The following SLC49A4 variants were observed in gnomAD, a reference collection of about 807,000 sequenced individuals.
SLC49A4 encodes solute carrier family 49 member 4.
In SLC49A4, 36 loss-of-function variants were observed where a neutral mutation model predicts 50.6. That is an observed-to-expected ratio of 0.71 (90% CI 0.55 to 0.94). SLC49A4 has a LOEUF of 0.94. Among genes scored for constraint, SLC49A4 ranks in the 40% least tolerant of loss-of-function variants. SLC49A4 has a pLI of 0.00. For synonymous variants in SLC49A4, 248 were observed against 241.2 expected (o/e 1.03, Z -0.26); for missense variants, 503 against 605.7 (o/e 0.83, Z 1.78).
intron 8 of SLC49A4, 93 bp from the exon 9 acceptor site, chr3:122,879,170 T>C: frequency 1.1e-6 from 1 of 893,116 alleles, no homozygotes; most frequent in Non-Finnish European, 1.8e-6. Context: ...TTATAAGTAC[T>C]TTTTAATGCA....
Position 122,820,488 on chromosome 3 carries a change from CAT to C in SLC49A4, c.438-6310_438-6309del, listed in dbSNP as rs1936434875. Among the ~76,000 whole-genome samples the C allele has an allele frequency of 3.3e-5, 5 of 152,244 alleles. No homozygotes were observed. The South Asian group carries it at 1.0e-3, about 32-fold the overall frequency. On this transcript the variant is annotated intron_variant, in intron 2 of 8. Transcript: ENST00000261038. ...ATTTAAGTAGAAATAATTTAGGAGT[CAT>C]AGGTATTTCTTCCAGGATATTAGAA... is the stretch of plus-strand genomic sequence containing the variant.
intron 5 of SLC49A4, among the ~76,000 whole-genome samples, chr3:122,849,281 CATATACTGATTTT>C (rs1560225173): frequency 1.3e-5 from 2 of 152,244 alleles, no homozygotes; most frequent in South Asian, 2.1e-4. Context: ...ATTTCTTTTT[CATATACTGATTTT>C]ATATACTGAT....
At chr3:122,816,083 A>G (rs1560200728) in intron 2 of SLC49A4, among the ~76,000 whole-genome samples, 1 of 152,010 alleles carries the variant, frequency 6.6e-6, no homozygotes, top group Non-Finnish European at 1.5e-5. Context: ...CCCATCCCAG[A>G]TTTTCTCAAT....
At chr3:122,803,700 C>A (rs975420722) in intron 1 of SLC49A4, among the ~76,000 whole-genome samples, 1 of 152,174 alleles carries the variant, frequency 6.6e-6, no homozygotes, top group Non-Finnish European at 1.5e-5. Context: ...CATGCTTCCA[C>A]TATGGGTGTG....
At chr3:122,817,148 C>G (rs1330188494) in intron 2 of SLC49A4, among the ~76,000 whole-genome samples, 2 of 152,030 alleles carry the variant, frequency 1.3e-5, no homozygotes, top group Non-Finnish European at 2.9e-5. Flanking sequence ...TATCTGATCT[C>G]CACATGGGAA....
intron 2 of SLC49A4, among the ~76,000 whole-genome samples, chr3:122,822,788 CCA>C (rs146315667): frequency 0.05 from 7,661 of 152,192 alleles, 261 homozygotes; most frequent in Middle Eastern, 0.11. Flanking sequence ...TGTTTCTTCC[CCA>C]CCCCAATCCA....
In SLC49A4 at chr3:122,875,689, G is replaced by GT. The variant is rs779406110; in HGVS notation, c.1321+3098dup. Among the ~76,000 whole-genome samples the GT allele has an allele frequency of 5.3e-5, 8 of 152,192 alleles. No individual in the cohort carries two copies. In the South Asian group the frequency reaches 1.7e-3, roughly 32 times the overall value. On this transcript the variant is annotated intron_variant, in intron 8 of 8. Transcript: ENST00000261038. ...TTTTTAATCATCATAAAGATCTGTG[G>GT]TTTTTTAAGTCACTTCTCAAGGAAG...
intron 7 of SLC49A4, among the ~76,000 whole-genome samples, chr3:122,867,410 T>G (rs1167804269): frequency 6.6e-6 from 1 of 152,252 alleles, no homozygotes; most frequent in Admixed American, 6.5e-5. Context: ...ATTTACACTA[T>G]TTCTAAATAA....
At chr3:122,798,677 C>T in intron 1 of SLC49A4, among the ~76,000 whole-genome samples, 1 of 112,272 alleles carries the variant, frequency 8.9e-6, no homozygotes, top group African/African-American at 3.4e-5. Flanking sequence ...CAGAGTCTCA[C>T]TTGGTCACTC....
In SLC49A4 at chr3:122,801,275, G is replaced by A. The variant is rs1936124262; in HGVS notation, c.344-5582G>A. Among the ~76,000 whole-genome samples the A allele has an allele frequency of 2.0e-5, 3 of 152,192 alleles. 1 individual carries two copies. Among genetic ancestry groups the A allele is most frequent in the Admixed American group, 2.0e-4 (3 of 15,282 alleles). ...TGTTAGACTACTAGAGGGAATGAAA[G>A]GGAAAGAGAGGAGGCCATGGTTGAG... On this transcript the variant is annotated intron_variant, in intron 1 of 8. Transcript: ENST00000261038.
chr3:122,823,507 TAAGGGC>T (rs1200040842), intron 2 of SLC49A4, among the ~76,000 whole-genome samples: 3 of 152,268 alleles, frequency 2.0e-5, no homozygotes, highest in Non-Finnish European at 2.9e-5. Flanking sequence ...TAGGGATTCT[TAAGGGC>T]AAGGGCTTTA....
chr3:122,829,210 A>G (rs1936577978), intron 3 of SLC49A4, among the ~76,000 whole-genome samples: 2 of 152,262 alleles, frequency 1.3e-5, no homozygotes, highest in Non-Finnish European at 2.9e-5. Flanking sequence ...TTCCAGCAAC[A>G]TATATCATAA....
At chr3:122,798,811 G>C (rs998854642) in intron 1 of SLC49A4, among the ~76,000 whole-genome samples, 3 of 151,576 alleles carry the variant, frequency 2.0e-5, no homozygotes, top group South Asian at 2.1e-4. Context: ...CTAGTTTTTT[G>C]TATTTTTTGC....
intron 7 of SLC49A4, among the ~76,000 whole-genome samples, chr3:122,869,691 A>G (rs1390094387): frequency 6.6e-6 from 1 of 152,242 alleles, no homozygotes; most frequent in Non-Finnish European, 1.5e-5. Flanking sequence ...ATGTTTAACC[A>G]CAATAAAAAT....
In SLC49A4 at chr3:122,795,183, A is replaced by C; in HGVS notation, c.-10A>C. 7.6e-7 allele frequency: 1 copy of C among 1,315,262 alleles called. No homozygotes were observed. Among genetic ancestry groups the C allele is most frequent in the African/African-American group, 1.5e-5 (1 of 64,654 alleles). The allele number at this position is 1,315,262 out of a possible 1,614,324, so 81.5% of individuals were successfully genotyped here. On this transcript the variant is annotated 5_prime_UTR_variant, in exon 1 of 9. Coordinates refer to ENST00000261038, the MANE Select transcript of SLC49A4 (RefSeq NM_032839.3). ...GCGCCCGGCAGTGGCTTCGCGGGCGACGCGTCGCCATGGGCTCTCGCTGGA... is the reference window on the plus strand; with the variant it reads ...GCGCCCGGCAGTGGCTTCGCGGGCGCCGCGTCGCCATGGGCTCTCGCTGGA...
intron 5 of SLC49A4, among the ~76,000 whole-genome samples, chr3:122,851,803 C>CT (rs1208854565): frequency 6.6e-6 from 1 of 151,968 alleles, no homozygotes; most frequent in African/African-American, 2.4e-5. Context: ...CTCTGTGTCT[C>CT]TTTTGCCTTT....
intron 5 of SLC49A4, among the ~76,000 whole-genome samples, chr3:122,854,474 A>G (rs966817803): frequency 6.6e-6 from 1 of 152,206 alleles, no homozygotes; most frequent in Non-Finnish European, 1.5e-5. Context: ...CCTCACACTG[A>G]TTTAAGAGAC....
intron 8 of SLC49A4, among the ~76,000 whole-genome samples, chr3:122,876,195 T>C (rs16833631): frequency 0.057 from 8,723 of 152,278 alleles, 302 homozygotes; most frequent in African/African-American, 0.09. Context: ...AAAAATCAAT[T>C]TGAGAATGCT....
chr3:122,817,226 A>G (rs1465744974), intron 2 of SLC49A4, among the ~76,000 whole-genome samples: 1 of 152,234 alleles, frequency 6.6e-6, no homozygotes, highest in East Asian at 1.9e-4. Context: ...TTTGAGGAAG[A>G]AGAAGTCAGA....
Sources: allele counts gnomAD v4.1 joint callset (sites outside exome capture counted in the v4.1 genomes callset), GRCh38; gene constraint gnomAD v4.1.1; transcripts MANE v1.5; gene names NCBI Gene and HGNC (gene_info 2026-07-23, HGNC 2026-07-21).